The following SAMD5 variants were observed in gnomAD, a reference collection of about 807,000 sequenced individuals.
SAMD5 encodes the protein sterile alpha motif domain-containing protein 5.
In SAMD5, 13 loss-of-function variants were observed where a neutral mutation model predicts 11.3. That is an observed-to-expected ratio of 1.15 (90% CI 0.75 to 1.83). The LOEUF (loss-of-function observed/expected upper bound fraction) is 1.83. Ranked by LOEUF, SAMD5 falls within the 40% of genes most tolerant of loss-of-function variation. The pLI is 0.00. For missense variants in SAMD5, 255 were observed against 239.1 expected, an observed-to-expected ratio of 1.07 and a Z score of -0.44; for synonymous variants, 129 against 111.3, an observed-to-expected ratio of 1.16 and a Z score of -1.00.
chr6:147,952,668 AC>A, the SAMD5 span, among the ~76,000 whole-genome samples: 1 of 152,012 alleles, frequency 6.6e-6, no homozygotes, highest in African/African-American at 2.4e-5. Flanking sequence ...GCACCACCAC[AC>A]CCGCGAATTT....
At position 147,567,337 on chromosome 6, in the gene SAMD5, T is replaced by G; in HGVS notation, c.*2881T>G. On this transcript the variant is annotated 3_prime_UTR_variant, in exon 2 of 2. Coordinates refer to ENST00000367474, the MANE Select transcript of SAMD5 (RefSeq NM_001030060.3). ...AGAGATATTTATAGCATCTTGGTGT[T>G]ATGCAATAAACAATGACAACAACAA... 1 of 985,236 alleles carries G rather than the reference T, an allele frequency of 1.0e-6. No individual in the cohort carries two copies. The highest frequency in any genetic ancestry group is 1.2e-6 in the Non-Finnish European group (1 of 829,732). The allele number at this position is 985,236 out of a possible 1,614,324, so 61.0% of individuals were successfully genotyped here.
At position 147,709,855 on chromosome 6, in the gene SAMD5, T is replaced by C. The variant is rs144502139; in HGVS notation, c.163-27462T>C. ...TGGAGGACTTCAAAGGCTTCATTTG[T>C]GGCCTCGCTATCTTAACTGCTATAC... On this transcript the variant is annotated intron_variant, in intron 1 of 1. Coordinates refer to the SAMD5 transcript ENST00000566741. 6.3e-3 allele frequency among the ~76,000 whole-genome samples: 962 copies of C among 152,308 alleles called. 12 individuals carry two copies. The highest frequency in any genetic ancestry group is 0.022 in the African/African-American group (916 of 41,562).
chr6:147,758,448 G>T, the SAMD5 span, among the ~76,000 whole-genome samples: 1 of 152,200 alleles, frequency 6.6e-6, no homozygotes, highest in Non-Finnish European at 1.5e-5. Context: ...AAGAAATGAG[G>T]CATGCCAGGG....
chr6:147,588,801 G>T (rs1789412958), intron 1 of SAMD5, among the ~76,000 whole-genome samples: 1 of 151,998 alleles, frequency 6.6e-6, no homozygotes, highest in South Asian at 2.1e-4. Context: ...CTGGTACTGG[G>T]TTGTTTTCCC....
intron 1 of SAMD5, among the ~76,000 whole-genome samples, chr6:147,596,502 T>C (rs1234882805): frequency 6.6e-6 from 1 of 151,812 alleles, no homozygotes; most frequent in African/African-American, 2.4e-5. Flanking sequence ...AGACTAATGT[T>C]CATTCTCTAC....
intron 1 of SAMD5, among the ~76,000 whole-genome samples, chr6:147,587,757 T>C (rs1292535117): frequency 6.6e-6 from 1 of 152,136 alleles, no homozygotes; most frequent in Non-Finnish European, 1.5e-5. Context: ...CTTTTCGTCT[T>C]CTGGGCTCTC....
intron 1 of SAMD5, among the ~76,000 whole-genome samples, chr6:147,625,966 T>C (rs560664745): frequency 6.6e-6 from 1 of 152,238 alleles, no homozygotes; most frequent in East Asian, 1.9e-4. Flanking sequence ...CTTCTCAGCT[T>C]GTTTGCTGTT....
the SAMD5 span, among the ~76,000 whole-genome samples, chr6:147,874,183 T>TTCCTTAATTATGGCTTCACA: frequency 6.6e-6 from 1 of 152,218 alleles, no homozygotes; most frequent in African/African-American, 2.4e-5. Context: ...TTGGCTTTAC[T>TTCCTTAATTATGGCTTCACA]TCCTTAATTA....
intron 1 of SAMD5, among the ~76,000 whole-genome samples, chr6:147,704,097 G>A (rs1426846085): frequency 1.3e-5 from 2 of 151,916 alleles, no homozygotes; most frequent in Non-Finnish European, 2.9e-5. Context: ...GGGTTTCACT[G>A]TGTTAGCCAG....
intron 1 of SAMD5, among the ~76,000 whole-genome samples, chr6:147,731,409 T>A (rs1791710766): frequency 6.6e-6 from 1 of 152,202 alleles, no homozygotes; most frequent in Non-Finnish European, 1.5e-5. Context: ...CTTTATAACC[T>A]GTTAACTCAG....
intron 1 of SAMD5, among the ~76,000 whole-genome samples, chr6:147,563,334 A>C (rs979098529): frequency 6.6e-6 from 1 of 152,228 alleles, no homozygotes; most frequent in African/African-American, 2.4e-5. Flanking sequence ...TGATGTCTGC[A>C]GTATGATTTT....
At chr6:147,918,653 G>GAA in the SAMD5 span, among the ~76,000 whole-genome samples, 1 of 150,632 alleles carries the variant, frequency 6.6e-6, no homozygotes, top group Non-Finnish European at 1.5e-5. Flanking sequence ...GGAAGACTCA[G>GAA]GATACAAAAT....
intron 1 of SAMD5, among the ~76,000 whole-genome samples, chr6:147,635,790 T>A (rs1214354749): frequency 6.6e-6 from 1 of 152,200 alleles, no homozygotes; most frequent in Admixed American, 6.5e-5. Context: ...GACCTTAGAA[T>A]GAATACGTAT....
chr6:147,947,892 G>C, the SAMD5 span, among the ~76,000 whole-genome samples: 1 of 151,906 alleles, frequency 6.6e-6, no homozygotes, highest in African/African-American at 2.4e-5. Context: ...ACTCCAGATA[G>C]AGGCATTTTG....
chr6:147,907,159 AAGT>A, the SAMD5 span, among the ~76,000 whole-genome samples: 5 of 152,092 alleles, frequency 3.3e-5, no homozygotes, highest in Non-Finnish European at 7.4e-5. Flanking sequence ...CAGTACTCTA[AAGT>A]AGTCTTCACT....
intron 1 of SAMD5, among the ~76,000 whole-genome samples, chr6:147,543,864 T>G (rs1413221): frequency 0.74 from 111,749 of 152,008 alleles, 41,708 homozygotes; most frequent in East Asian, 1. Flanking sequence ...TGGAGGCATC[T>G]CAGGAGAGTG....
chr6:147,926,973 G>T, the SAMD5 span, among the ~76,000 whole-genome samples: 1 of 152,010 alleles, frequency 6.6e-6, no homozygotes, highest in Non-Finnish European at 1.5e-5. Context: ...AAGATCAGAT[G>T]GTCATAGGCG....
chr6:147,801,364 C>G, the SAMD5 span, among the ~76,000 whole-genome samples: 3 of 151,812 alleles, frequency 2.0e-5, no homozygotes, highest in African/African-American at 7.3e-5. Context: ...AAAAACAAAT[C>G]AATACTTCAA....
the SAMD5 span, among the ~76,000 whole-genome samples, chr6:147,765,067 C>T: frequency 3.9e-5 from 6 of 152,176 alleles, no homozygotes; most frequent in East Asian, 3.9e-4. Flanking sequence ...AAATGTACAA[C>T]GTATATTTTG....
Sources: gnomAD v4.1 joint callset for allele counts (sites outside exome capture counted in the v4.1 genomes callset) on GRCh38, gnomAD v4.1.1 for gene constraint, MANE v1.5 for transcripts, NCBI Gene and HGNC (gene_info 2026-07-23, HGNC 2026-07-21) for gene names.